COL13A1: variants seen among roughly 807,000 people sequenced by gnomAD.
COL13A1 encodes collagen type XIII alpha 1 chain, also known as collagen alpha-1(XIII) chain.
COL13A1 carries 89 observed loss-of-function variants against 130.9 expected under a neutral mutation model. That is an observed-to-expected ratio of 0.68 (90% confidence interval 0.57 to 0.81). COL13A1 has a LOEUF of 0.81. Among genes scored for constraint, COL13A1 ranks in the 30% least tolerant of loss-of-function variants. COL13A1 has a pLI of 0.00. For synonymous variants in COL13A1, 402 were observed against 341.6 expected (o/e 1.18, Z -1.95); for missense variants, 879 against 934.6 (o/e 0.94, Z 0.78).
At chr10:69,924,013 C>T (rs1160153750) in intron 24 of COL13A1, among the ~76,000 whole-genome samples, 158 bp downstream of exon 24, 2 of 152,196 alleles carry the variant, frequency 1.3e-5, no homozygotes, top group African/African-American at 2.4e-5. Context: ...CTTTAGAGAG[C>T]CATGCACTGA....
intron 2 of COL13A1, among the ~76,000 whole-genome samples, chr10:69,831,887 A>C (rs1194272913): frequency 6.6e-6 from 1 of 152,026 alleles, no homozygotes; most frequent in Non-Finnish European, 1.5e-5. Context: ...TACTCTCTTG[A>C]CCTCACATAA....
chr10:69,925,262 A>G (rs2098097542), intron 25 of COL13A1, among the ~76,000 whole-genome samples: 1 of 152,212 alleles, frequency 6.6e-6, no homozygotes, highest in African/African-American at 2.4e-5. Flanking sequence ...AAGTAGCGGA[A>G]TAGTTGATTA....
chr10:69,802,764 C>T lies in COL13A1; in HGVS notation c.294+47C>T, dbSNP rs770856459. The T allele has an allele frequency of 9.4e-6, 15 of 1,602,332 alleles. No individual in the cohort carries two copies. The African/African-American group carries it at 1.5e-4, about 16-fold the overall frequency. ...CTTTTATCCCTCCCCGCGGCGCCCC[C>T]TCGCGCAGCCTCCAGACTGTTCAGC... On this transcript the variant is annotated intron_variant, in intron 1 of 40. Coordinates refer to ENST00000645393, the MANE Select transcript of COL13A1 (RefSeq NM_001368882.1).
intron 7 of COL13A1, among the ~76,000 whole-genome samples, chr10:69,882,031 G>T (rs376889493): frequency 6.6e-6 from 1 of 152,172 alleles, no homozygotes; most frequent in South Asian, 2.1e-4. Context: ...TGGCTGCCCC[G>T]ATGGGCTTCA....
intron 2 of COL13A1, among the ~76,000 whole-genome samples, chr10:69,859,501 T>A (rs1054527307): frequency 1.3e-5 from 2 of 152,198 alleles, no homozygotes; most frequent in Non-Finnish European, 2.9e-5. Context: ...AGCAGAGCCA[T>A]GATGTGACGT....
chr10:69,845,254 G>A (rs1486174203), intron 2 of COL13A1, among the ~76,000 whole-genome samples: 12 of 148,560 alleles, frequency 8.1e-5, no homozygotes, highest in African/African-American at 3.0e-4. Flanking sequence ...GTGCAGTGGC[G>A]TGATCTCCAC....
chr10:69,951,652 A>G (rs532865152), intron 38 of COL13A1, among the ~76,000 whole-genome samples: 3 of 152,238 alleles, frequency 2.0e-5, no homozygotes, highest in Non-Finnish European at 4.4e-5. Context: ...GACATGAGCC[A>G]CCATGCCCAG....
intron 10 of COL13A1, among the ~76,000 whole-genome samples, chr10:69,890,359 A>G (rs1243103921): frequency 1.3e-5 from 2 of 152,170 alleles, no homozygotes; most frequent in Admixed American, 1.3e-4. Context: ...AAAACAAACA[A>G]ACAGACAGAC....
At chr10:69,942,849 G>A (rs1360939466) in intron 35 of COL13A1, among the ~76,000 whole-genome samples, 1 of 152,162 alleles carries the variant, frequency 6.6e-6, no homozygotes, top group Admixed American at 6.5e-5. Context: ...GGCCCGAGCT[G>A]ACTCCTTATT....
chr10:69,855,628 T>C (rs1018296738), intron 2 of COL13A1, among the ~76,000 whole-genome samples: 1 of 152,232 alleles, frequency 6.6e-6, no homozygotes, highest in African/African-American at 2.4e-5. Flanking sequence ...AGTACCTTAC[T>C]AATTGTTAAT....
intron 25 of COL13A1, among the ~76,000 whole-genome samples, chr10:69,925,214 A>C (rs1488582452): frequency 2.0e-5 from 3 of 152,204 alleles, no homozygotes; most frequent in Non-Finnish European, 4.4e-5. Flanking sequence ...GGAAAGAGGA[A>C]GGGTATGGTA....
chr10:69,848,351 G>A (rs1305554721), intron 2 of COL13A1, among the ~76,000 whole-genome samples: 1 of 152,202 alleles, frequency 6.6e-6, no homozygotes, highest in Non-Finnish European at 1.5e-5. Flanking sequence ...CTTATTAAGT[G>A]CAAGACCCTT....
At chr10:69,836,076 C>T (rs1849965779) in intron 2 of COL13A1, among the ~76,000 whole-genome samples, 1 of 152,148 alleles carries the variant, frequency 6.6e-6, no homozygotes, top group Non-Finnish European at 1.5e-5. Context: ...CAGAAGCTCC[C>T]CCTGCCAACC....
chr10:69,888,716 A>G (rs2060852445), intron 9 of COL13A1, among the ~76,000 whole-genome samples: 1 of 152,042 alleles, frequency 6.6e-6, no homozygotes, highest in Non-Finnish European at 1.5e-5. Flanking sequence ...TGTGTCTCCC[A>G]TGGCCCTGTC....
chr10:69,825,458 A>G (rs1222940772), intron 2 of COL13A1, among the ~76,000 whole-genome samples: 14 of 152,226 alleles, frequency 9.2e-5, no homozygotes. Flanking sequence ...GTGAATGTTC[A>G]ATAAATGAGT....
intron 10 of COL13A1, among the ~76,000 whole-genome samples, chr10:69,890,463 G>A (rs943062443): frequency 6.6e-6 from 1 of 152,274 alleles, no homozygotes; most frequent in Non-Finnish European, 1.5e-5. Flanking sequence ...ACAGGTTGGT[G>A]GGCCAGGAAT....
chr10:69,905,099 A>C (rs2062618424), intron 16 of COL13A1, 140 bp downstream of exon 16: 1 of 946,796 alleles, frequency 1.1e-6, no homozygotes, highest in African/African-American at 1.7e-5. Context: ...ACCCACTTAC[A>C]AAACACCACC....
At chr10:69,929,061 C>T (rs2065765461) in intron 28 of COL13A1, 62 bp downstream of exon 28, 3 of 1,336,738 alleles carry the variant, frequency 2.2e-6, no homozygotes, top group East Asian at 2.4e-5. Context: ...CAGGGCTTCC[C>T]CTCCCCCTGT....
At chr10:69,905,702 A>T in intron 16 of COL13A1, 85 bp from the exon 17 acceptor site, 1 of 1,464,984 alleles carries the variant, frequency 6.8e-7, no homozygotes. Context: ...CGAGAGGAAG[A>T]GGGATGGTAT....
Sources: allele counts gnomAD v4.1 joint callset (sites outside exome capture counted in the v4.1 genomes callset), GRCh38; gene constraint gnomAD v4.1.1; transcripts MANE v1.5; gene names NCBI Gene and HGNC (gene_info 2026-07-23, HGNC 2026-07-21).